The following COL14A1 variants were observed in gnomAD, a reference collection of about 807,000 sequenced individuals.
COL14A1 encodes the protein collagen alpha-1(XIV) chain.
A neutral mutation model predicts 230.3 loss-of-function variants in COL14A1; 136 were observed. The observed-to-expected ratio is 0.59, with a 90% CI of 0.51 to 0.68. COL14A1 has a LOEUF of 0.68. Among genes scored for constraint, COL14A1 ranks in the 30% least tolerant of loss-of-function variants. The pLI is 0.00. For synonymous variants in COL14A1, 792 were observed against 784.1 expected, an observed-to-expected ratio of 1.01 and a Z score of -0.17; for missense variants, 1,976 against 2,215.8, an observed-to-expected ratio of 0.89 and a Z score of 2.17.
intron 4 of COL14A1, among the ~76,000 whole-genome samples, chr8:120,166,919 T>TGTG (rs1554600758): frequency 1.3e-4 from 19 of 143,962 alleles, no homozygotes; most frequent in African/African-American, 4.7e-4. Context: ...TGTGTGTGTG[T>TGTG]GTGGTGGTGA....
intron 42 of COL14A1, among the ~76,000 whole-genome samples, chr8:120,339,995 G>A (rs1442169098): frequency 6.1e-5 from 9 of 147,296 alleles, no homozygotes; most frequent in Admixed American, 5.5e-4. Flanking sequence ...CTGAGATCGT[G>A]CCACTGCACT....
chr8:120,203,785 C>T lies in COL14A1; in HGVS notation c.954C>T (p.Ala318=), dbSNP rs777124678. 1.8e-5 allele frequency: 29 copies of T among 1,613,764 alleles called. No homozygotes were observed. Among genetic ancestry groups the T allele is most frequent in the South Asian group, 8.8e-5 (8 of 91,066 alleles). Residue 318 remains alanine, a synonymous_variant, in exon 9 of 48, where the codon GCC becomes GCT. Transcript: ENST00000297848. ...ACAGCACTCATGTGTACAATGTTGC[C>T]GAATTCGATCTGATGCACACAGTTG... ...EPDSTHVYNV[A]EFDLMHTVVE... is the part of the protein sequence containing the mutation.
At chr8:120,162,721 T>G (rs1815724602) in intron 4 of COL14A1, 152 bp downstream of exon 4, 1 of 577,696 alleles carries the variant, frequency 1.7e-6, no homozygotes, top group Admixed American at 4.0e-5. Flanking sequence ...AACGAATTCC[T>G]CTGATCTCTA....
At chr8:120,308,517 T>C (rs1453143803) in intron 36 of COL14A1, among the ~76,000 whole-genome samples, 1 of 152,202 alleles carries the variant, frequency 6.6e-6, no homozygotes, top group Admixed American at 6.5e-5. Flanking sequence ...CAGCAAATAA[T>C]ACAGTAATAC....
chr8:120,324,193 A>G (rs1821570035), intron 40 of COL14A1, among the ~76,000 whole-genome samples: 1 of 152,174 alleles, frequency 6.6e-6, no homozygotes, highest in Non-Finnish European at 1.5e-5. Context: ...CCTGTATAAG[A>G]AACCAGCTCA....
chr8:120,231,608 T>C lies in COL14A1; in HGVS notation c.2339T>C (p.Val780Ala). The change falls in exon 19 of 48, where the codon GTC (valine) becomes GCC (alanine). Residue 780 changes from valine (V) to alanine (A), a missense_variant. This residue lies in a region of COL14A1 where 1,791 missense variants were observed against 2,019.5 expected (regional missense o/e 0.89). Coordinates refer to ENST00000297848, the MANE Select transcript of COL14A1 (RefSeq NM_021110.4). ...MTAQGDPEEEVIGTVMVPGSQ... is the reference protein window; with the variant it reads ...MTAQGDPEEEAIGTVMVPGSQ... ...GCTCAAGGGGACCCTGAGGAAGAAG[T>C]CATAGGAACGGTCTGTATAAATTCA... 1 of 1,613,528 alleles carries C rather than the reference T, an allele frequency of 6.2e-7. No individual in the cohort carries two copies. The highest frequency in any genetic ancestry group is 8.5e-7 in the Non-Finnish European group (1 of 1,179,800).
At chr8:120,216,265 A>C (rs1422741806) in intron 13 of COL14A1, 86 bp from the exon 14 acceptor site, 1 of 1,088,724 alleles carries the variant, frequency 9.2e-7, no homozygotes, top group African/African-American at 1.6e-5. Context: ...TTCATATGTA[A>C]ATAGTTTAGA....
chr8:120,279,241 A>G (rs1819958556), intron 28 of COL14A1, among the ~76,000 whole-genome samples: 1 of 152,010 alleles, frequency 6.6e-6, no homozygotes, highest in Non-Finnish European at 1.5e-5. Context: ...GGTGCAGTAA[A>G]CCACCATGGC....
At chr8:120,281,565 T>TAAA (rs61230108) in intron 31 of COL14A1, among the ~76,000 whole-genome samples, 109 of 138,130 alleles carry the variant, frequency 7.9e-4, no homozygotes, top group Middle Eastern at 7.5e-3. Flanking sequence ...ACCCCGTCTT[T>TAAA]AAAAAAAAAA....
Position 120,278,201 on chromosome 8 carries a change from C to T in COL14A1, c.3304C>T (p.His1102Tyr), listed in dbSNP as rs1385678574. The change falls in exon 27 of 48, where the codon CAC (histidine) becomes TAC (tyrosine). Residue 1102 changes from histidine (H) to tyrosine (Y), a missense_variant. This residue lies in a region of COL14A1 where 1,791 missense variants were observed against 2,019.5 expected (regional missense o/e 0.89). Transcript: ENST00000297848. ...TKETLLDAIKHISYKGGNTKT... is the reference protein window; with the variant it reads ...TKETLLDAIKYISYKGGNTKT... ...AGAGACTCTTCTTGATGCAATTAAA[C>T]ACATTTCATACAAAGGAGGAAATAC... The T allele has an allele frequency of 1.9e-6, 3 of 1,611,482 alleles. No individual in the cohort carries two copies. Among genetic ancestry groups the T allele is most frequent in the Non-Finnish European group, 2.5e-6 (3 of 1,178,798 alleles).
At chr8:120,242,546 G>A (rs1043846420) in intron 19 of COL14A1, among the ~76,000 whole-genome samples, 1 of 152,174 alleles carries the variant, frequency 6.6e-6, no homozygotes, top group Admixed American at 6.5e-5. Context: ...CCTGAGGGAA[G>A]CTATGTTGGT....
intron 37 of COL14A1, 26 bp from the exon 38 acceptor site, chr8:120,313,906 G>A (rs1195326942): frequency 1.3e-6 from 2 of 1,483,160 alleles, no homozygotes; most frequent in East Asian, 4.6e-5. Flanking sequence ...TTACTTTTAG[G>A]ATGATACTTC....
chr8:120,244,100 G>T lies in COL14A1; in HGVS notation c.2479+92G>T, dbSNP rs559223990. On this transcript the variant is annotated intron_variant, in intron 20 of 47. Transcript: ENST00000297848. ...TGCACCCTGAAAGATACAGTAGATT[G>T]CAGTGAAGAAACTAAAAGATTTGGG... 1,010 of 1,418,894 alleles carry T rather than the reference G, an allele frequency of 7.1e-4. 10 individuals carry two copies. The South Asian group carries it at 8.4e-3, about 12-fold the overall frequency. The allele number at this position is 1,418,894 out of a possible 1,614,324, so 87.9% of individuals were successfully genotyped here.
At chr8:120,133,834 G>A (rs1814624212) in intron 1 of COL14A1, among the ~76,000 whole-genome samples, 1 of 151,710 alleles carries the variant, frequency 6.6e-6, no homozygotes, top group African/African-American at 2.4e-5. Context: ...AAGGTAAGAA[G>A]AAAGATATCA....
At chr8:120,296,574 G>C (rs1417360149) in intron 34 of COL14A1, among the ~76,000 whole-genome samples, 1 of 151,890 alleles carries the variant, frequency 6.6e-6, no homozygotes, top group Non-Finnish European at 1.5e-5. Context: ...CAAGATTACA[G>C]ATTTAAAATG....
intron 40 of COL14A1, among the ~76,000 whole-genome samples, chr8:120,321,185 A>G (rs1305357218): frequency 6.6e-6 from 1 of 152,204 alleles, no homozygotes; most frequent in African/African-American, 2.4e-5. Context: ...ATAGGAACCC[A>G]GTGTGGGTTA....
intron 40 of COL14A1, among the ~76,000 whole-genome samples, chr8:120,331,242 G>A (rs1031336140): frequency 7.2e-5 from 11 of 152,044 alleles, no homozygotes; most frequent in Admixed American, 3.9e-4. Flanking sequence ...AGTTTGAGTT[G>A]GTTTGAGATG....
intron 34 of COL14A1, among the ~76,000 whole-genome samples, chr8:120,296,887 T>C (rs1474274583): frequency 6.6e-6 from 1 of 151,978 alleles, no homozygotes; most frequent in African/African-American, 2.4e-5. Flanking sequence ...TTGTGTACCA[T>C]ATTTATGTGC....
Position 120,246,067 on chromosome 8 carries a change from C to T in COL14A1, c.2480-1546C>T, listed in dbSNP as rs183301692. Among the ~76,000 whole-genome samples, 303 of 152,276 alleles carry T rather than the reference C, an allele frequency of 2.0e-3. 1 individual carries two copies. The highest frequency in any genetic ancestry group is 6.9e-3 in the African/African-American group (286 of 41,538). ...CATGTGGTTAGGTTCAAAATGGTGT[C>T]AAGGGCTGAATTATGTACCTGGGCA... On this transcript the variant is annotated intron_variant, in intron 20 of 47. Coordinates refer to ENST00000297848, the MANE Select transcript of COL14A1 (RefSeq NM_021110.4).
Sources: gnomAD v4.1 joint callset for allele counts (sites outside exome capture counted in the v4.1 genomes callset) on GRCh38, gnomAD v4.1.1 for gene constraint, gnomAD v4.1.1 regional missense constraint, MANE v1.5 for transcripts, NCBI Gene and HGNC (gene_info 2026-07-23, HGNC 2026-07-21) for gene names.